CNTN4: variants seen among roughly 807,000 people sequenced by gnomAD.
CNTN4 encodes contactin 4.
In CNTN4, 77 loss-of-function variants were observed where a neutral mutation model predicts 122.5. The ratio of observed to expected loss-of-function variants is 0.63; its 90% confidence interval spans 0.52 to 0.76. The LOEUF (loss-of-function observed/expected upper bound fraction) is 0.76. Among genes scored for constraint, CNTN4 ranks in the 30% least tolerant of loss-of-function variants. The pLI, the probability that CNTN4 is intolerant of heterozygous loss-of-function variation, is 0.00. For missense variants in CNTN4, 1,256 were observed against 1,259.1 expected, an observed-to-expected ratio of 1.00 and a Z score of 0.04; for synonymous variants, 512 against 447.0, an observed-to-expected ratio of 1.15 and a Z score of -1.83.
At chr3:2,410,659 C>G (rs1200250759) in intron 3 of CNTN4, among the ~76,000 whole-genome samples, 1 of 152,176 alleles carries the variant, frequency 6.6e-6, no homozygotes, top group Non-Finnish European at 1.5e-5. Flanking sequence ...TACTAGGGTT[C>G]TGAAGAATGT....
At chr3:2,858,208 C>T (rs1379732234) in intron 7 of CNTN4, among the ~76,000 whole-genome samples, 2 of 152,198 alleles carry the variant, frequency 1.3e-5, no homozygotes, top group African/African-American at 2.4e-5. Context: ...AGGCCGACAG[C>T]ATCAGCAGCA....
At chr3:2,630,303 G>A (rs1414855755) in intron 4 of CNTN4, among the ~76,000 whole-genome samples, 1 of 152,082 alleles carries the variant, frequency 6.6e-6, no homozygotes, top group Non-Finnish European at 1.5e-5. Flanking sequence ...GCCAGGCATG[G>A]GGGTACACAA....
At chr3:2,780,181 G>T (rs2091512044) in intron 6 of CNTN4, among the ~76,000 whole-genome samples, 1 of 152,214 alleles carries the variant, frequency 6.6e-6, no homozygotes, top group Middle Eastern at 3.4e-3. Flanking sequence ...ACATTGTGAG[G>T]GCCAAATGTT....
intron 2 of CNTN4, among the ~76,000 whole-genome samples, chr3:2,299,822 A>G (rs1466149183): frequency 6.6e-6 from 1 of 152,204 alleles, no homozygotes; most frequent in African/African-American, 2.4e-5. Flanking sequence ...GGAATCTCCC[A>G]CATACAGTAT....
intron 14 of CNTN4, among the ~76,000 whole-genome samples, chr3:3,006,091 T>C (rs536644258): frequency 2.6e-5 from 4 of 152,006 alleles, no homozygotes; most frequent in African/African-American, 7.2e-5. Context: ...GGTTTCAGGA[T>C]GGTCTTGATC....
intron 6 of CNTN4, among the ~76,000 whole-genome samples, chr3:2,803,609 G>T (rs191712972): frequency 6.6e-6 from 1 of 151,538 alleles, no homozygotes; most frequent in African/African-American, 2.4e-5. Context: ...GCCCAGGCTG[G>T]AGTGCAGTGG....
chr3:2,500,476 A>G (rs538767822), intron 3 of CNTN4, among the ~76,000 whole-genome samples: 2 of 152,154 alleles, frequency 1.3e-5, no homozygotes. Flanking sequence ...GTATTATTCC[A>G]TTGTGTTCTT....
intron 3 of CNTN4, among the ~76,000 whole-genome samples, chr3:2,372,933 G>A (rs555302890): frequency 3.9e-5 from 6 of 152,190 alleles, no homozygotes; most frequent in Admixed American, 1.3e-4. Context: ...CTGTAGTCCC[G>A]TTACTTGGGA....
intron 3 of CNTN4, among the ~76,000 whole-genome samples, chr3:2,351,297 ATT>A: frequency 6.6e-6 from 1 of 152,212 alleles, no homozygotes; most frequent in East Asian, 1.9e-4. Context: ...ACCAAATCTC[ATT>A]TTATAGTGCA....
At chr3:2,776,908 T>A (rs1368652115) in intron 6 of CNTN4, among the ~76,000 whole-genome samples, 1 of 152,192 alleles carries the variant, frequency 6.6e-6, no homozygotes, top group African/African-American at 2.4e-5. Context: ...TGAGGGTGGG[T>A]ATGCATATAA....
chr3:3,048,672 C>T (rs544662362), intron 23 of CNTN4, among the ~76,000 whole-genome samples: 18 of 152,234 alleles, frequency 1.2e-4, no homozygotes, highest in East Asian at 1.9e-4. Context: ...CTGATTGCAA[C>T]GGAAGAGTTG....
chr3:2,675,363 G>T (rs2084785763), intron 4 of CNTN4, among the ~76,000 whole-genome samples: 1 of 151,874 alleles, frequency 6.6e-6, no homozygotes, highest in South Asian at 2.1e-4. Context: ...ACTTTAACAT[G>T]CCTGACTCTG....
At chr3:2,811,896 C>G (rs2092621996) in intron 6 of CNTN4, among the ~76,000 whole-genome samples, 1 of 152,148 alleles carries the variant, frequency 6.6e-6, no homozygotes, top group South Asian at 2.1e-4. Context: ...GAACTCCTGA[C>G]CTCAAGCAAT....
chr3:2,520,439 ATTG>A (rs2077171492), intron 3 of CNTN4, among the ~76,000 whole-genome samples: 1 of 151,456 alleles, frequency 6.6e-6, no homozygotes, highest in Non-Finnish European at 1.5e-5. Flanking sequence ...CACGCTGCTA[ATTG>A]TTGTATTTTT....
intron 14 of CNTN4, among the ~76,000 whole-genome samples, chr3:3,001,653 C>T (rs1160001259): frequency 6.6e-6 from 1 of 152,054 alleles, no homozygotes; most frequent in African/African-American, 2.4e-5. Flanking sequence ...TAGGATACTG[C>T]CACATCCTCT....
intron 12 of CNTN4, among the ~76,000 whole-genome samples, chr3:2,903,872 A>G (rs542316931): frequency 6.6e-6 from 1 of 152,214 alleles, no homozygotes; most frequent in Non-Finnish European, 1.5e-5. Flanking sequence ...AGCACATAGT[A>G]TGCACTCAAT....
Position 2,514,072 on chromosome 3 carries a change from T to A in CNTN4, c.-88-57344T>A, listed in dbSNP as rs149394490. Reference sequence around the variant, plus strand: ...CTTTAGTTCCTAGAAAGCCCTGGGGTTGAGCCAAGTGGAAAGAATTTTGTA... The same window carrying A: ...CTTTAGTTCCTAGAAAGCCCTGGGGATGAGCCAAGTGGAAAGAATTTTGTA... On this transcript the variant is annotated intron_variant, in intron 3 of 24. Transcript: ENST00000418658. Among the ~76,000 whole-genome samples the A allele has an allele frequency of 5.1e-4, 77 of 152,260 alleles. 1 individual carries two copies. The highest frequency in any genetic ancestry group is 1.7e-3 in the African/African-American group (72 of 41,548).
rs192590780 is a variant in CNTN4 at position 2,326,985 on chromosome 3, C to G, written c.-144-12193C>G. Reference sequence around the variant, plus strand: ...GAGTATCCATAAAACAACTTCCCACCTACAAAGATGTAGGTAGGAAAGATA... The same window carrying G: ...GAGTATCCATAAAACAACTTCCCACGTACAAAGATGTAGGTAGGAAAGATA... On this transcript the variant is annotated intron_variant, in intron 2 of 24. Coordinates refer to ENST00000418658, the MANE Select transcript of CNTN4 (RefSeq NM_175607.3). Among the ~76,000 whole-genome samples the G allele has an allele frequency of 1.1e-3, 172 of 152,242 alleles. 1 individual carries two copies. The highest frequency in any genetic ancestry group is 6.8e-3 in the Middle Eastern group (2 of 294).
chr3:3,036,284 T>C (rs3846132), intron 17 of CNTN4, among the ~76,000 whole-genome samples: 82,877 of 152,008 alleles, frequency 0.55, 22,877 homozygotes, highest in African/African-American at 0.59. Flanking sequence ...TTTAGTTTAC[T>C]AATCCTTAGA....
Sources: gnomAD v4.1 joint callset for allele counts (sites outside exome capture counted in the v4.1 genomes callset) on GRCh38, gnomAD v4.1.1 for gene constraint, MANE v1.5 for transcripts, NCBI Gene and HGNC (gene_info 2026-07-23, HGNC 2026-07-21) for gene names.